FNDC3B: variants seen among roughly 807,000 people sequenced by gnomAD.
FNDC3B encodes fibronectin type III domain containing 3B.
Under a neutral mutation model 151.5 loss-of-function variants are expected in FNDC3B, and 12 were observed. That is an observed-to-expected ratio of 0.08 (90% CI 0.05 to 0.13). The LOEUF (loss-of-function observed/expected upper bound fraction) is 0.13. FNDC3B is among the 10% of genes least tolerant of loss of function. The probability of loss-of-function intolerance (pLI) is 1.00; values close to 1 mark genes in which losing one functional copy is unlikely to be tolerated. For synonymous variants in FNDC3B, 528 were observed against 549.0 expected, an observed-to-expected ratio of 0.96 and a Z score of 0.54; for missense variants, 1,214 against 1,505.3, an observed-to-expected ratio of 0.81 and a Z score of 3.20.
intron 1 of FNDC3B, among the ~76,000 whole-genome samples, chr3:172,103,300 TTA>T (rs1295980106): frequency 6.6e-6 from 1 of 152,308 alleles, no homozygotes; most frequent in East Asian, 1.9e-4. Flanking sequence ...CATTTAGTTT[TTA>T]TGTTTCTGTA....
intron 6 of FNDC3B, among the ~76,000 whole-genome samples, chr3:172,267,483 G>A (rs1728984495): frequency 6.6e-6 from 1 of 152,182 alleles, no homozygotes; most frequent in Admixed American, 6.5e-5. Flanking sequence ...GCTAGTTTAA[G>A]CAGTTCATAA....
At chr3:172,257,554 C>A (rs1323917659) in intron 6 of FNDC3B, among the ~76,000 whole-genome samples, 1 of 142,818 alleles carries the variant, frequency 7.0e-6, no homozygotes, top group African/African-American at 2.7e-5. Flanking sequence ...ACCCCTACCA[C>A]ATCACACGCA....
At chr3:172,087,726 C>T (rs1247938271) in intron 1 of FNDC3B, among the ~76,000 whole-genome samples, 1 of 151,916 alleles carries the variant, frequency 6.6e-6, no homozygotes, top group Non-Finnish European at 1.5e-5. Flanking sequence ...GAAATCAAAC[C>T]CTCACTGGGG....
intron 8 of FNDC3B, among the ~76,000 whole-genome samples, chr3:172,295,850 C>G (rs557056231): frequency 6.6e-6 from 1 of 152,126 alleles, no homozygotes; most frequent in African/African-American, 2.4e-5. Context: ...ATAAGGTGAC[C>G]GCTTATGTTT....
intron 1 of FNDC3B, among the ~76,000 whole-genome samples, chr3:172,105,555 A>G (rs1459605563): frequency 6.7e-6 from 1 of 150,372 alleles, no homozygotes; most frequent in African/African-American, 2.4e-5. Context: ...CATTTTGAGT[A>G]TTCATGTAGT....
chr3:172,139,987 G>A (rs1444356041), intron 3 of FNDC3B, among the ~76,000 whole-genome samples: 1 of 152,170 alleles, frequency 6.6e-6, no homozygotes, highest in African/African-American at 2.4e-5. Context: ...GTATTTGGTG[G>A]ATTTGTGAGG....
intron 3 of FNDC3B, among the ~76,000 whole-genome samples, chr3:172,194,097 G>A (rs768433009): frequency 1.4e-4 from 22 of 152,102 alleles, no homozygotes; most frequent in Non-Finnish European, 2.8e-4. Flanking sequence ...GCGGGCGCCT[G>A]TAGTCCCAGC....
intron 3 of FNDC3B, among the ~76,000 whole-genome samples, chr3:172,139,646 C>G (rs1232297554): frequency 6.6e-6 from 1 of 152,138 alleles, no homozygotes; most frequent in Non-Finnish European, 1.5e-5. Flanking sequence ...TGTTATTTGA[C>G]TATTTGTAAA....
At chr3:172,214,008 CCG>C (rs66576450) in intron 3 of FNDC3B, among the ~76,000 whole-genome samples, 135,502 of 152,070 alleles carry the variant, frequency 0.89, 60,652 homozygotes, top group African/African-American at 0.95. Context: ...ATCTATGGTG[CCG>C]CGCCATAAAG....
chr3:172,189,800 A>T (rs1234002604), intron 3 of FNDC3B, among the ~76,000 whole-genome samples: 4 of 1,322 alleles, frequency 3.0e-3, no homozygotes, highest in African/African-American at 8.5e-3. Flanking sequence ...GACCTTGTCT[A>T]AAAAAAAAAA....
intron 22 of FNDC3B, among the ~76,000 whole-genome samples, chr3:172,356,017 C>G (rs1734078769): frequency 6.6e-6 from 1 of 152,126 alleles, no homozygotes; most frequent in Non-Finnish European, 1.5e-5. Flanking sequence ...TGGCAGGCAA[C>G]CAAAACTTAA....
chr3:172,396,886 T>C (rs1179227897), intron 25 of FNDC3B, among the ~76,000 whole-genome samples: 4 of 152,236 alleles, frequency 2.6e-5, no homozygotes, highest in Non-Finnish European at 5.9e-5. Context: ...GATGCATCCT[T>C]ACTACTTAAA....
intron 22 of FNDC3B, among the ~76,000 whole-genome samples, chr3:172,358,954 T>TTGGTGGGGG (rs1272463153): frequency 1.8e-3 from 147 of 80,610 alleles, no homozygotes; most frequent in East Asian, 7.1e-3. Flanking sequence ...CACAGTTTTC[T>TTGGTGGGGG]TGGTGGTGGT....
At chr3:172,073,965 G>A (rs1308737499) in intron 1 of FNDC3B, among the ~76,000 whole-genome samples, 1 of 152,076 alleles carries the variant, frequency 6.6e-6, no homozygotes, top group Non-Finnish European at 1.5e-5. Flanking sequence ...CCTTTTGGAA[G>A]CCAGGTCATT....
intron 1 of FNDC3B, among the ~76,000 whole-genome samples, chr3:172,048,598 C>T (rs1292165821): frequency 6.6e-6 from 1 of 152,148 alleles, no homozygotes; most frequent in African/African-American, 2.4e-5. Flanking sequence ...CAATTCCATT[C>T]CTATTCCTAT....
intron 23 of FNDC3B, among the ~76,000 whole-genome samples, chr3:172,374,498 G>A (rs1431578469): frequency 2.6e-5 from 4 of 152,088 alleles, no homozygotes; most frequent in Non-Finnish European, 5.9e-5. Context: ...GGATTCAAGC[G>A]ATTCTCCTGC....
At chr3:172,238,091 C>T (rs1455180132) in intron 4 of FNDC3B, among the ~76,000 whole-genome samples, 52 of 152,206 alleles carry the variant, frequency 3.4e-4, no homozygotes, top group Admixed American at 3.4e-3. Context: ...TTGATGTTTT[C>T]AACCACACTT....
At chr3:172,085,821 CT>C (rs1718523365) in intron 1 of FNDC3B, among the ~76,000 whole-genome samples, 2 of 152,126 alleles carry the variant, frequency 1.3e-5, no homozygotes, top group South Asian at 2.1e-4. Context: ...AAAGTGCTTC[CT>C]TTGTTGAACT....
At chr3:172,318,275 G>GCAGGT (rs1349450789) in intron 11 of FNDC3B, among the ~76,000 whole-genome samples, 2 of 152,244 alleles carry the variant, frequency 1.3e-5, no homozygotes, top group African/African-American at 4.8e-5. Flanking sequence ...GGAGCCATTA[G>GCAGGT]CAGGTCAGGC....
Sources: allele counts gnomAD v4.1 joint callset (sites outside exome capture counted in the v4.1 genomes callset), GRCh38; gene constraint gnomAD v4.1.1; transcripts MANE v1.5; gene names NCBI Gene and HGNC (gene_info 2026-07-23, HGNC 2026-07-21).